The following SDK1 variants were observed in gnomAD, a reference collection of about 807,000 sequenced individuals.
The protein encoded by SDK1 is protein sidekick-1.
Under a neutral mutation model 245.5 loss-of-function variants are expected in SDK1, and 157 were observed. The ratio of observed to expected loss-of-function variants is 0.64; its 90% CI spans 0.56 to 0.73. The LOEUF is 0.73. Among genes scored for constraint, SDK1 ranks in the 30% least tolerant of loss-of-function variants. SDK1 has a pLI of 0.00. For synonymous variants in SDK1, 1,647 were observed against 1,278.5 expected (o/e 1.29, Z -6.15); for missense variants, 3,583 against 3,002.3 (o/e 1.19, Z -4.52).
At chr7:3,593,925 T>C (rs1780970352) in intron 1 of SDK1, among the ~76,000 whole-genome samples, 1 of 152,258 alleles carries the variant, frequency 6.6e-6, no homozygotes, top group Non-Finnish European at 1.5e-5. Flanking sequence ...TGTTGTTTCC[T>C]AAATATATCA....
chr7:4,246,458 T>C (rs1385685325), intron 44 of SDK1, among the ~76,000 whole-genome samples: 2 of 152,054 alleles, frequency 1.3e-5, no homozygotes, highest in East Asian at 3.9e-4. Context: ...GCCATAAAAA[T>C]TGGTGGTCTG....
intron 13 of SDK1, among the ~76,000 whole-genome samples, chr7:3,984,842 A>G (rs1034329801): frequency 2.6e-5 from 4 of 152,198 alleles, no homozygotes; most frequent in Admixed American, 6.5e-5. Flanking sequence ...ACCAATGTCA[A>G]AAAGACATCC....
chr7:3,614,237 G>T (rs115930105), intron 1 of SDK1, among the ~76,000 whole-genome samples: 1 of 152,078 alleles, frequency 6.6e-6, no homozygotes, highest in African/African-American at 2.4e-5. Flanking sequence ...TTTCATAAAT[G>T]ATTTATGTTC....
intron 1 of SDK1, among the ~76,000 whole-genome samples, chr7:3,423,398 T>C (rs1779585672): frequency 6.6e-6 from 1 of 152,178 alleles, no homozygotes; most frequent in African/African-American, 2.4e-5. Flanking sequence ...GCAGAGAGAA[T>C]ACAAAGCAGG....
At position 4,265,331 on chromosome 7, in the gene SDK1, C is replaced by G; in HGVS notation, c.6589C>G (p.Pro2197Ala). 2 of 1,479,638 alleles carry G rather than the reference C, an allele frequency of 1.4e-6. No homozygotes were observed. The highest frequency in any genetic ancestry group is 1.8e-6 in the Non-Finnish European group (2 of 1,128,870). The allele number at this position is 1,479,638 out of a possible 1,614,324, so 91.7% of individuals were successfully genotyped here. Reference sequence around the variant, plus strand: ...GCAGAGCGCGGGCGGCGTCTACACCCCCGCTGGCCCCGGCGCGCGAACTCC... The same window carrying G: ...GCAGAGCGCGGGCGGCGTCTACACCGCCGCTGGCCCCGGCGCGCGAACTCC... ...TTQSAGGVYT[P>A]AGPGARTPLT... is the part of the protein sequence containing the mutation. The change falls in exon 45 of 45, where the codon CCC becomes GCC. Residue 2197 changes from proline (P) to alanine (A), a missense_variant. Transcript: ENST00000404826.
At chr7:3,965,054 C>T (rs1323861679) in intron 9 of SDK1, among the ~76,000 whole-genome samples, 10 of 152,166 alleles carry the variant, frequency 6.6e-5, no homozygotes, top group East Asian at 1.9e-4. Flanking sequence ...GATTGACAAG[C>T]TTTTTCTGCG....
chr7:3,980,865 C>G (rs992927873), intron 13 of SDK1, among the ~76,000 whole-genome samples: 2 of 151,682 alleles, frequency 1.3e-5, no homozygotes, highest in Non-Finnish European at 2.9e-5. Context: ...TGCTCGAACT[C>G]AGGAGGCGGA....
rs539757172 is a variant in SDK1 at position 3,603,662 on chromosome 7, A to G, written c.299-15418A>G. Among the ~76,000 whole-genome samples, 262 of 152,280 alleles carry G rather than the reference A, an allele frequency of 1.7e-3. 3 individuals carry two copies. Among genetic ancestry groups the G allele is most frequent in the African/African-American group, 6.2e-3 (256 of 41,556 alleles). ...ATTTGACTTCCTTTTTTCATAATTG[A>G]ATACCCTTTGTTTCCTTCTCCTGCC... On this transcript the variant is annotated intron_variant, in intron 1 of 44. Coordinates refer to ENST00000404826, the MANE Select transcript of SDK1 (RefSeq NM_152744.4).
chr7:4,083,546 C>A (rs868321650), intron 22 of SDK1, among the ~76,000 whole-genome samples: 8 of 93,160 alleles, frequency 8.6e-5, no homozygotes, highest in African/African-American at 3.5e-4. Flanking sequence ...CCCTCCCTCC[C>A]TCCCTCCCTC....
At chr7:4,162,391 TTATTATTA>T (rs75893019) in intron 32 of SDK1, among the ~76,000 whole-genome samples, 21,893 of 147,078 alleles carry the variant, frequency 0.15, 2,241 homozygotes, top group Middle Eastern at 0.22. Flanking sequence ...ATTATTATTA[TTATTATTA>T]TTATTATTAT....
At position 4,265,142 on chromosome 7, in the gene SDK1, G is replaced by C; in HGVS notation, c.6400G>C (p.Glu2134Gln). The change falls in exon 45 of 45, where the codon GAG becomes CAG. Residue 2134 changes from glutamate to glutamine, a missense_variant. By Grantham distance (29) the Glu-to-Gln change is conservative. Coordinates refer to ENST00000404826, the MANE Select transcript of SDK1 (RefSeq NM_152744.4). ...CCCGCAGGCCACGGACTCTGACTAC[G>C]AGGACGCGCTGCCCAAGCACTCCTT... Reference protein sequence around the residue: ...SESEATDSDYEDALPKHSFVN... With the variant: ...SESEATDSDYQDALPKHSFVN... 1.9e-6 allele frequency: 3 copies of C among 1,612,076 alleles called. No individual in the cohort carries two copies. The highest frequency in any genetic ancestry group is 1.7e-6 in the Non-Finnish European group (2 of 1,179,600).
intron 1 of SDK1, among the ~76,000 whole-genome samples, chr7:3,489,077 C>G (rs2128604557): frequency 6.6e-6 from 1 of 152,164 alleles, no homozygotes; most frequent in East Asian, 1.9e-4. Context: ...GAGGGCCAGT[C>G]CAGGCTAGCG....
chr7:3,619,046 C>G (rs370122450), intron 1 of SDK1, 34 bp from the exon 2 acceptor site: 1 of 1,490,696 alleles, frequency 6.7e-7, no homozygotes, highest in Non-Finnish European at 9.1e-7. Context: ...ATGCGTACTT[C>G]AGTTTTGTTT....
chr7:3,752,725 A>G (rs1326734337), intron 4 of SDK1, among the ~76,000 whole-genome samples: 2 of 151,704 alleles, frequency 1.3e-5, no homozygotes, highest in Non-Finnish European at 3.0e-5. Flanking sequence ...TTGCATTTTT[A>G]TTATTGTGCA....
intron 14 of SDK1, among the ~76,000 whole-genome samples, chr7:3,990,368 C>T (rs892044189): frequency 1.3e-5 from 2 of 152,356 alleles, no homozygotes; most frequent in African/African-American, 4.8e-5. Flanking sequence ...TCTTTCCTCC[C>T]AGAGATGGGG....
chr7:3,697,775 C>T (rs73302247), intron 4 of SDK1, among the ~76,000 whole-genome samples: 30,790 of 152,066 alleles, frequency 0.2, 6,201 homozygotes, highest in African/African-American at 0.5. Flanking sequence ...TGGTAATGAT[C>T]CTTGAATCTT....
intron 5 of SDK1, among the ~76,000 whole-genome samples, chr7:3,858,672 G>A (rs926883035): frequency 2.6e-5 from 4 of 151,868 alleles, no homozygotes; most frequent in African/African-American, 9.7e-5. Flanking sequence ...GGAAGCACAA[G>A]TCCCAGTACA....
In SDK1 at chr7:4,042,056, C is replaced by T. The variant is rs897971457; in HGVS notation, c.2603-7292C>T. On this transcript the variant is annotated intron_variant, in intron 17 of 44. Transcript: ENST00000404826. Reference sequence around the variant, plus strand: ...CTCTATCTCTTGACCTCGTGATCCACCCACCTTGGCCTCCCAAAGTGCTGG... The same window carrying T: ...CTCTATCTCTTGACCTCGTGATCCATCCACCTTGGCCTCCCAAAGTGCTGG... Among the ~76,000 whole-genome samples the T allele has an allele frequency of 2.2e-5, 3 of 136,550 alleles. 1 individual carries two copies. The highest frequency in any genetic ancestry group is 1.0e-4 in the African/African-American group (3 of 29,882). The allele number at this position is 136,550 out of a possible 152,430, so 89.6% of individuals were successfully genotyped here.
chr7:4,178,244 C>G (rs613215), intron 34 of SDK1, among the ~76,000 whole-genome samples: 7,797 of 152,300 alleles, frequency 0.051, 278 homozygotes, highest in Admixed American at 0.084. Flanking sequence ...CGTGCTGCCT[C>G]TTACCTGAAC....
Sources: allele counts gnomAD v4.1 joint callset (sites outside exome capture counted in the v4.1 genomes callset), GRCh38; gene constraint gnomAD v4.1.1; transcripts MANE v1.5; gene names NCBI Gene and HGNC (gene_info 2026-07-23, HGNC 2026-07-21).